GLI2: variants seen among roughly 807,000 people sequenced by gnomAD.
The protein encoded by GLI2 is GLI family zinc finger 2.
Under a neutral mutation model 78.9 loss-of-function variants are expected in GLI2, and 22 were observed. The observed-to-expected ratio is 0.28, with a 90% CI of 0.20 to 0.40. The LOEUF is 0.40. Ranked by LOEUF, GLI2 falls within the 10% of genes least tolerant of loss-of-function variation. The pLI, the probability that GLI2 is intolerant of heterozygous loss-of-function variation, is 1.00. For synonymous variants in GLI2, 974 were observed against 963.7 expected (o/e 1.01, Z -0.20); for missense variants, 2,097 against 2,213.2 (o/e 0.95, Z 1.05).
intron 2 of GLI2, among the ~76,000 whole-genome samples, chr2:120,841,824 G>A (rs185743487): frequency 2.7e-5 from 4 of 147,858 alleles, no homozygotes; most frequent in Non-Finnish European, 6.0e-5. Flanking sequence ...GTTGGGAGGA[G>A]GACCATTGCA....
chr2:120,986,892 C>T (rs576705425), intron 13 of GLI2, among the ~76,000 whole-genome samples: 11 of 152,376 alleles, frequency 7.2e-5, no homozygotes, highest in African/African-American at 2.6e-4. Context: ...TCATCCTCTT[C>T]CTCACCCATT....
intron 1 of GLI2, among the ~76,000 whole-genome samples, chr2:120,782,149 T>C (rs1008136797): frequency 1.3e-5 from 2 of 152,216 alleles, no homozygotes; most frequent in Admixed American, 1.3e-4. Flanking sequence ...TTAAGAACTA[T>C]TTCCCTCCCG....
At chr2:120,918,509 C>T (rs907274225) in intron 2 of GLI2, among the ~76,000 whole-genome samples, 4 of 150,004 alleles carry the variant, frequency 2.7e-5, no homozygotes, top group Middle Eastern at 3.5e-3. Flanking sequence ...GGCGCAATCT[C>T]AGCTCACTGC....
At position 120,978,557 on chromosome 2, in the gene GLI2, A is replaced by T. The variant is rs1682570230; in HGVS notation, c.1441A>T (p.Thr481Ser). The change falls in exon 10 of 14, where the codon ACG (threonine) becomes TCG (serine). Residue 481 changes from threonine to serine, a missense_variant. Physicochemically the swap from Thr to Ser is moderately conservative, Grantham distance 58. Around this residue, in one of 5 missense-constraint regions of GLI2, gnomAD observed 104 missense variants for 190.6 expected, o/e 0.55. Transcript: ENST00000361492. ...GCTGGTGGTGCACATGCGGCGACAC[A>T]CGGGCGAGAAGCCCCACAAGTGCAC... ...YMLVVHMRRH[T>S]GEKPHKCTFE... 6.2e-7 allele frequency: 1 copy of T among 1,613,910 alleles called. No homozygotes were observed. Among genetic ancestry groups the T allele is most frequent in the East Asian group, 2.2e-5 (1 of 44,870 alleles).
chr2:120,852,611 G>T (rs2034395), intron 2 of GLI2, among the ~76,000 whole-genome samples: 19,447 of 152,198 alleles, frequency 0.13, 1,402 homozygotes, highest in Non-Finnish European at 0.16. Flanking sequence ...TGTTTATGTG[G>T]TTGGTTTGAG....
At chr2:120,899,567 C>G (rs1383028169) in intron 2 of GLI2, among the ~76,000 whole-genome samples, 3 of 152,184 alleles carry the variant, frequency 2.0e-5, no homozygotes, top group African/African-American at 7.2e-5. Flanking sequence ...TCGAAAAGGT[C>G]TCGTTGGCTG....
chr2:120,811,686 T>C (rs1449661195), intron 2 of GLI2, among the ~76,000 whole-genome samples: 1 of 152,024 alleles, frequency 6.6e-6, no homozygotes, highest in African/African-American at 2.4e-5. Flanking sequence ...GGAATTTGGA[T>C]GGAGGGGTAG....
intron 13 of GLI2, 83 bp downstream of exon 13, chr2:120,986,697 G>C (rs1001091369): frequency 9.2e-7 from 1 of 1,086,096 alleles, no homozygotes; most frequent in Non-Finnish European, 1.4e-6. Flanking sequence ...CCAAGCACCA[G>C]TGCTATCTCA....
At chr2:120,898,215 C>CACACACACACAA (rs1447294546) in intron 2 of GLI2, among the ~76,000 whole-genome samples, 1 of 150,818 alleles carries the variant, frequency 6.6e-6, no homozygotes, top group African/African-American at 2.4e-5. Context: ...CACACACACA[C>CACACACACACAA]AAAATGATTG....
intron 2 of GLI2, among the ~76,000 whole-genome samples, chr2:120,919,026 CT>C (rs140071808): frequency 0.039 from 5,926 of 152,258 alleles, 350 homozygotes; most frequent in African/African-American, 0.13. Flanking sequence ...CAGCCTGCCC[CT>C]CTACTGCTTT....
rs149196646 is a variant in GLI2, at chr2:120,739,910, GCTCT to G, written c.-31+3628_-31+3631del. Among the ~76,000 whole-genome samples the G allele has an allele frequency of 6.7e-3, 1,016 of 152,298 alleles. 7 individuals are homozygous for G. The highest frequency in any genetic ancestry group is 0.022 in the African/African-American group (904 of 41,546). ...CTAAAGAAATCGGGGAGGAAAAACT[GCTCT>G]CTAATTGTTTCCTCAGGCTTGTTTA... On this transcript the variant is annotated intron_variant, in intron 1 of 13. Coordinates refer to ENST00000361492, the MANE Select transcript of GLI2 (RefSeq NM_001374353.1).
chr2:120,978,469 G>A lies in GLI2; in HGVS notation c.1353G>A (p.Lys451=), dbSNP rs1040405957. The change falls in exon 10 of 14, where the codon AAG becomes AAA. Residue 451 remains lysine (K), a synonymous_variant. Transcript: ENST00000361492. The part of the protein sequence containing the change: ...INNEHIHGEK[K]EFVCRWQACT... ...ACGAGCACATCCACGGGGAGAAGAA[G>A]GAGTTTGTGTGCCGCTGGCAGGCCT... The A allele has an allele frequency of 9.9e-6, 16 of 1,614,106 alleles. No homozygotes were observed. Among genetic ancestry groups the A allele is most frequent in the African/African-American group, 1.3e-5 (1 of 74,942 alleles).
rs1243108997 is a variant in GLI2 at position 120,823,564 on chromosome 2, G to A, written c.148+26096G>A. 4.6e-5 allele frequency among the ~76,000 whole-genome samples: 7 copies of A among 152,224 alleles called. No individual in the cohort carries two copies. In the East Asian group the frequency reaches 1.2e-3, roughly 25 times the overall value. ...ATTCTTTCTGATCTGCCCTCTTATA[G>A]CATTTTTGCTGTGGGATGTGGGGAG... On this transcript the variant is annotated intron_variant, in intron 2 of 13. Coordinates refer to ENST00000361492, the MANE Select transcript of GLI2 (RefSeq NM_001374353.1).
chr2:120,972,550 CAG>C, intron 8 of GLI2: 1 of 479,708 alleles, frequency 2.1e-6, no homozygotes, highest in South Asian at 1.5e-5. Flanking sequence ...CAGCCTAGCT[CAG>C]GGGTCACTTC....
intron 3 of GLI2, among the ~76,000 whole-genome samples, chr2:120,947,008 G>A (rs1411693697): frequency 1.3e-5 from 2 of 152,238 alleles, no homozygotes; most frequent in African/African-American, 2.4e-5. Flanking sequence ...AGTGGGGTTG[G>A]GGGGTTCCAG....
At chr2:120,823,301 T>C (rs1291256631) in intron 2 of GLI2, among the ~76,000 whole-genome samples, 1 of 152,058 alleles carries the variant, frequency 6.6e-6, no homozygotes, top group Admixed American at 6.5e-5. Flanking sequence ...CAATCCCAAA[T>C]CTATAAATTT....
At chr2:120,907,005 C>A (rs936556474) in intron 2 of GLI2, among the ~76,000 whole-genome samples, 44 of 152,302 alleles carry the variant, frequency 2.9e-4, no homozygotes, top group African/African-American at 1.0e-3. Context: ...CACACACACA[C>A]CCCACCCTCC....
intron 2 of GLI2, among the ~76,000 whole-genome samples, chr2:120,834,673 G>A (rs1051013268): frequency 1.3e-5 from 2 of 152,126 alleles, no homozygotes; most frequent in African/African-American, 4.8e-5. Context: ...TGTGAGATGG[G>A]GTCTGGGTTC....
chr2:120,815,467 C>G (rs982809317), intron 2 of GLI2, among the ~76,000 whole-genome samples: 2 of 152,218 alleles, frequency 1.3e-5, no homozygotes, highest in Non-Finnish European at 2.9e-5. Context: ...CGCCAGCCCC[C>G]TCCCTCCACC....
Sources: allele counts gnomAD v4.1 joint callset (sites outside exome capture counted in the v4.1 genomes callset), GRCh38; gene constraint gnomAD v4.1.1; regional missense constraint gnomAD v4.1.1; transcripts MANE v1.5; gene names NCBI Gene and HGNC (gene_info 2026-07-23, HGNC 2026-07-21).